The following TC2N variants were observed in gnomAD, a reference collection of about 807,000 sequenced individuals.
TC2N encodes tandem C2 domains, nuclear.
A neutral mutation model predicts 61.9 loss-of-function variants in TC2N; 51 were observed. The ratio of observed to expected loss-of-function variants is 0.82; its 90% CI spans 0.66 to 1.04. TC2N has a LOEUF of 1.04. Ranked by LOEUF, TC2N falls within the 50% of genes least tolerant of loss-of-function variation. The pLI is 0.00. For missense variants in TC2N, 556 were observed against 566.7 expected (o/e 0.98, Z 0.19); for synonymous variants, 204 against 192.6 (o/e 1.06, Z -0.49).
At chr14:91,792,809 TCAC>T (rs980999740) in intron 8 of TC2N, among the ~76,000 whole-genome samples, 1 of 152,214 alleles carries the variant, frequency 6.6e-6, no homozygotes, top group African/African-American at 2.4e-5. Flanking sequence ...AACACCATGC[TCAC>T]CACAATACAG....
At position 91,780,505 on chromosome 14, in the gene TC2N, A is replaced by G. The variant is rs1885044466; in HGVS notation, c.*2595T>C. ...GAGTACTGCTTTTAAAAATCATGCAAAACAAAAGCCAAATAGTGATGTTAT... is the reference window on the plus strand; with the variant it reads ...GAGTACTGCTTTTAAAAATCATGCAGAACAAAAGCCAAATAGTGATGTTAT... On this transcript the variant is annotated 3_prime_UTR_variant, in exon 12 of 12. Coordinates refer to ENST00000435962, the MANE Select transcript of TC2N (RefSeq NM_001128596.3). 1 of 152,210 alleles carries G rather than the reference A, an allele frequency of 6.6e-6. No homozygotes were observed. Among genetic ancestry groups the G allele is most frequent in the African/African-American group, 2.4e-5 (1 of 41,452 alleles). The allele number at this position is 152,210 out of a possible 1,614,324, so 9.4% of individuals were successfully genotyped here. A position where few individuals can be genotyped will look rare whatever the true frequency, so the allele number is the denominator to read the frequency against.
chr14:91,806,742 A>G (rs1013029653), intron 3 of TC2N, among the ~76,000 whole-genome samples: 6 of 149,352 alleles, frequency 4.0e-5, no homozygotes, highest in Non-Finnish European at 8.9e-5. Flanking sequence ...AATGCAATAG[A>G]AAAAAAAAAC....
chr14:91,821,150 A>G (rs1887234741), intron 1 of TC2N, among the ~76,000 whole-genome samples: 1 of 152,032 alleles, frequency 6.6e-6, no homozygotes, highest in African/African-American at 2.4e-5. Context: ...ATGGGAACGT[A>G]AAGGGTGCAG....
chr14:91,844,521 T>C (rs139034712), intron 1 of TC2N, among the ~76,000 whole-genome samples: 2,873 of 152,048 alleles, frequency 0.019, 87 homozygotes, highest in African/African-American at 0.065. Context: ...CTCAGCACTG[T>C]GGGAGGCCGA....
chr14:91,815,377 A>C (rs1886960992), intron 1 of TC2N, among the ~76,000 whole-genome samples: 1 of 151,724 alleles, frequency 6.6e-6, no homozygotes, highest in African/African-American at 2.4e-5. Context: ...CTTTAGAGTT[A>C]TACTAATAGA....
chr14:91,788,002 C>G (rs1050136325), intron 9 of TC2N, among the ~76,000 whole-genome samples: 6 of 151,954 alleles, frequency 3.9e-5, no homozygotes, highest in Non-Finnish European at 5.9e-5. Context: ...TTAGAGAACA[C>G]ACGAAATATG....
intron 5 of TC2N, 28 bp downstream of exon 5, chr14:91,800,251 CAT>C: frequency 7.6e-7 from 1 of 1,323,974 alleles, no homozygotes; most frequent in Non-Finnish European, 1.1e-6. Context: ...GAAATTATCA[CAT>C]ATAATTAAAT....
At chr14:91,852,194 G>A (rs960589645) in intron 1 of TC2N, among the ~76,000 whole-genome samples, 2 of 152,224 alleles carry the variant, frequency 1.3e-5, no homozygotes, top group African/African-American at 2.4e-5. Context: ...TTGGGAGGCC[G>A]AGGCGGGCAG....
At chr14:91,792,332 G>C in intron 9 of TC2N, 35 bp downstream of exon 9, 1 of 1,396,914 alleles carries the variant, frequency 7.2e-7, no homozygotes, top group Non-Finnish European at 9.6e-7. Context: ...AATTCTAAAA[G>C]TATGAAATAC....
chr14:91,802,237 A>G lies in TC2N; in HGVS notation c.469+17T>C. 1 of 1,505,750 alleles carries G rather than the reference A, an allele frequency of 6.6e-7. No homozygotes were observed. The highest frequency in any genetic ancestry group is 8.8e-7 in the Non-Finnish European group (1 of 1,131,384). 93.3% of individuals were successfully genotyped at this position (1,505,750 alleles called of 1,614,324 possible). The stretch of plus-strand genomic sequence containing the variant: ...AAAGAGAAACACAGAGAGGAAAAGC[A>G]CAAAAGATCTTCATACCCGATCCAT... On this transcript the variant is annotated intron_variant, in intron 4 of 11. Transcript: ENST00000435962.
In TC2N at chr14:91,797,848, T is replaced by G. The variant is rs1470835547; in HGVS notation, c.792A>C (p.Ile264=). The G allele has an allele frequency of 2.5e-6, 4 of 1,611,462 alleles. No individual in the cohort carries two copies. The highest frequency in any genetic ancestry group is 3.3e-5 in the Admixed American group (2 of 59,812). The part of the protein sequence containing the change: ...SSYGDTPTVS[I]KGILTLPKPV... ...GTTTGGGCAATGTAAGTATTCCTTT[T>G]ATAGAAACAGTAGGAGTGTCTCCAT... Residue 264 remains isoleucine, a synonymous_variant, in exon 8 of 12, where the codon ATA becomes ATC. Transcript: ENST00000435962.
chr14:91,812,618 T>C, intron 2 of TC2N, 73 bp from the exon 3 acceptor site: 3 of 716,060 alleles, frequency 4.2e-6, no homozygotes, highest in East Asian at 2.7e-5. Context: ...CTAGCATACT[T>C]TGATATTTAT....
rs189054117 is a variant in TC2N at position 91,844,817 on chromosome 14, G to A, written c.-57+22445C>T. Among the ~76,000 whole-genome samples the A allele has an allele frequency of 2.7e-5, 4 of 150,502 alleles. No individual in the cohort carries two copies. The East Asian group carries it at 7.8e-4, about 30-fold the overall frequency. On this transcript the variant is annotated intron_variant, in intron 1 of 11. Transcript: ENST00000435962. The stretch of plus-strand genomic sequence containing the variant: ...CCTTATGTTACTGGCAGGGACCAGG[G>A]TCAAAGATTACTTCCTTTCTCCCAT...
intron 1 of TC2N, among the ~76,000 whole-genome samples, chr14:91,833,241 T>A (rs1566784364): frequency 6.6e-6 from 1 of 152,182 alleles, no homozygotes; most frequent in Non-Finnish European, 1.5e-5. Context: ...TATGAAATAA[T>A]TTCTCATTTA....
chr14:91,818,210 T>C (rs1887089145), intron 1 of TC2N, among the ~76,000 whole-genome samples: 1 of 151,948 alleles, frequency 6.6e-6, no homozygotes, highest in Non-Finnish European at 1.5e-5. Flanking sequence ...AAGAGGTACA[T>C]ACAGAGAACA....
chr14:91,861,518 G>A (rs1394176388), intron 1 of TC2N, among the ~76,000 whole-genome samples: 4 of 152,206 alleles, frequency 2.6e-5, no homozygotes, highest in Admixed American at 6.5e-5. Context: ...GAGAACAGAC[G>A]GAGGGGAAGG....
chr14:91,833,533 T>G (rs1887879170), intron 1 of TC2N, among the ~76,000 whole-genome samples: 1 of 152,126 alleles, frequency 6.6e-6, no homozygotes, highest in South Asian at 2.1e-4. Context: ...CACACATTGG[T>G]AGAAGCATCA....
rs186737828 is a variant in TC2N at position 91,824,950 on chromosome 14, G to C, written c.-56-11125C>G. Among the ~76,000 whole-genome samples the C allele has an allele frequency of 1.6e-4, 25 of 151,920 alleles. No individual in the cohort carries two copies. The East Asian group carries it at 4.5e-3, about 27-fold the overall frequency. On this transcript the variant is annotated intron_variant, in intron 1 of 11. Transcript: ENST00000435962. ...AAGCAACAGAAAGAGTAGTTAGCAG[G>C]TGAACTGTGAAATAGGCAAGGGCTA...
intron 1 of TC2N, among the ~76,000 whole-genome samples, chr14:91,843,254 T>C (rs138705736): frequency 6.6e-6 from 1 of 152,128 alleles, no homozygotes; most frequent in Non-Finnish European, 1.5e-5. Flanking sequence ...ATTTTGGGAA[T>C]ATTTGTTACA....
Sources: allele counts gnomAD v4.1 joint callset (sites outside exome capture counted in the v4.1 genomes callset), GRCh38; gene constraint gnomAD v4.1.1; transcripts MANE v1.5; gene names NCBI Gene and HGNC (gene_info 2026-07-23, HGNC 2026-07-21).